ST8SIA2: variants seen among roughly 807,000 people sequenced by gnomAD.
ST8SIA2 encodes the protein alpha-2,8-sialyltransferase 8B.
Under a neutral mutation model 37.6 loss-of-function variants are expected in ST8SIA2, and 22 were observed. The ratio of observed to expected loss-of-function variants is 0.58; its 90% confidence interval spans 0.42 to 0.83. The LOEUF (loss-of-function observed/expected upper bound fraction) is 0.83. Ranked by LOEUF, ST8SIA2 falls within the 40% of genes least tolerant of loss-of-function variation. The pLI, the probability that ST8SIA2 is intolerant of heterozygous loss-of-function variation, is 0.00. For synonymous variants in ST8SIA2, 205 were observed against 201.2 expected (o/e 1.02, Z -0.16); for missense variants, 382 against 484.7 (o/e 0.79, Z 1.99).
chr15:92,400,337 T>C (rs964173927), intron 1 of ST8SIA2, among the ~76,000 whole-genome samples: 1 of 152,240 alleles, frequency 6.6e-6, no homozygotes, highest in Non-Finnish European at 1.5e-5. Flanking sequence ...GTATATGGTT[T>C]AGTAAATGAA....
intron 4 of ST8SIA2, among the ~76,000 whole-genome samples, chr15:92,438,944 T>A (rs1164004047): frequency 2.0e-5 from 3 of 152,124 alleles, no homozygotes; most frequent in African/African-American, 7.2e-5. Flanking sequence ...CAGCCTAAAG[T>A]TTGGTTGGAA....
At chr15:92,442,009 G>A in intron 4 of ST8SIA2, among the ~76,000 whole-genome samples, 1 of 152,178 alleles carries the variant, frequency 6.6e-6, no homozygotes, top group Non-Finnish European at 1.5e-5. Context: ...CCGGAGCCAA[G>A]CCCATTCAGA....
chr15:92,454,864 T>G (rs2049909043), intron 5 of ST8SIA2, among the ~76,000 whole-genome samples: 1 of 151,788 alleles, frequency 6.6e-6, no homozygotes, highest in South Asian at 2.1e-4. Flanking sequence ...GGTGAATGGC[T>G]CTAATTTAAT....
chr15:92,396,248 G>A (rs1009944798), intron 1 of ST8SIA2, among the ~76,000 whole-genome samples: 3 of 152,206 alleles, frequency 2.0e-5, no homozygotes, highest in African/African-American at 4.8e-5. Context: ...CTCCCAGGCT[G>A]ATGTAGCTGC....
intron 1 of ST8SIA2, among the ~76,000 whole-genome samples, chr15:92,414,336 T>C (rs141698868): frequency 4.5e-4 from 69 of 152,314 alleles, no homozygotes; most frequent in Non-Finnish European, 7.6e-4. Flanking sequence ...CCCAGGTACA[T>C]TGGCTGCTTG....
intron 1 of ST8SIA2, among the ~76,000 whole-genome samples, chr15:92,413,752 G>A (rs999743070): frequency 2.0e-5 from 3 of 152,212 alleles, no homozygotes; most frequent in Non-Finnish European, 2.9e-5. Flanking sequence ...CTCTGCCTTT[G>A]GATTCTTCTA....
chr15:92,447,981 A>C (rs2049854349), intron 5 of ST8SIA2, among the ~76,000 whole-genome samples: 1 of 152,210 alleles, frequency 6.6e-6, no homozygotes, highest in Admixed American at 6.5e-5. Context: ...TAAGAGGAGA[A>C]ACACTGCCCT....
At chr15:92,427,364 G>A (rs1268001212) in intron 1 of ST8SIA2, among the ~76,000 whole-genome samples, 1 of 151,226 alleles carries the variant, frequency 6.6e-6, no homozygotes, top group Non-Finnish European at 1.5e-5. Context: ...GCCAAAGCCT[G>A]AAATATAATA....
chr15:92,421,210 C>T (rs532294173), intron 1 of ST8SIA2: 5 of 152,248 alleles, frequency 3.3e-5, no homozygotes, highest in African/African-American at 9.6e-5. Context: ...GGTAATGGGC[C>T]GGCAGTGCAG....
intron 5 of ST8SIA2, among the ~76,000 whole-genome samples, chr15:92,459,756 G>A (rs1445755858): frequency 1.3e-5 from 2 of 152,064 alleles, no homozygotes; most frequent in Admixed American, 6.6e-5. Flanking sequence ...ATGCCTCCAC[G>A]CCCAACTAAT....
At chr15:92,424,616 CTTTT>C (rs1194844376) in intron 1 of ST8SIA2, among the ~76,000 whole-genome samples, 1 of 141,062 alleles carries the variant, frequency 7.1e-6, no homozygotes. Flanking sequence ...GTTTGACATT[CTTTT>C]TTTTTTTTTT....
At chr15:92,394,400 G>A (rs912314292) in intron 1 of ST8SIA2, among the ~76,000 whole-genome samples, 4 of 152,110 alleles carry the variant, frequency 2.6e-5, no homozygotes. Flanking sequence ...GAAGCCCCCA[G>A]CTGGCCCGCG....
At chr15:92,403,735 T>C (rs1403998512) in intron 1 of ST8SIA2, among the ~76,000 whole-genome samples, 2 of 152,218 alleles carry the variant, frequency 1.3e-5, no homozygotes, top group South Asian at 4.1e-4. Context: ...TAGTTTGCTA[T>C]TTTCCTACAA....
intron 1 of ST8SIA2, among the ~76,000 whole-genome samples, chr15:92,401,273 C>A (rs559131418): frequency 6.6e-6 from 1 of 152,292 alleles, no homozygotes; most frequent in East Asian, 1.9e-4. Context: ...TGTGGCCGGC[C>A]GGCTGACCGC....
chr15:92,429,756 A>G (rs1373361104), intron 1 of ST8SIA2, among the ~76,000 whole-genome samples: 2 of 152,240 alleles, frequency 1.3e-5, no homozygotes, highest in African/African-American at 4.8e-5. Context: ...ACTAATCCCC[A>G]GGGAGTTTAT....
intron 5 of ST8SIA2, among the ~76,000 whole-genome samples, chr15:92,462,073 G>A (rs188595832): frequency 6.6e-6 from 1 of 152,052 alleles, no homozygotes; most frequent in Non-Finnish European, 1.5e-5. Context: ...CGAAAGACAG[G>A]CTTATGAAAC....
chr15:92,404,058 G>T (rs2049489789), intron 1 of ST8SIA2, among the ~76,000 whole-genome samples: 1 of 152,184 alleles, frequency 6.6e-6, no homozygotes, highest in African/African-American at 2.4e-5. Context: ...TGCCAGAACT[G>T]CCCACCATAC....
intron 4 of ST8SIA2, among the ~76,000 whole-genome samples, chr15:92,443,700 A>C (rs1357996591): frequency 6.6e-6 from 1 of 152,050 alleles, no homozygotes; most frequent in Non-Finnish European, 1.5e-5. Context: ...GGACCAGATC[A>C]CTTGCCTTTC....
intron 1 of ST8SIA2, among the ~76,000 whole-genome samples, chr15:92,424,650 G>A (rs1466147173): frequency 6.9e-6 from 1 of 144,294 alleles, no homozygotes; most frequent in East Asian, 2.0e-4. Context: ...GTCTTGCTCT[G>A]TCACCCAGGC....
Sources: gnomAD v4.1 joint callset for allele counts (sites outside exome capture counted in the v4.1 genomes callset) on GRCh38, gnomAD v4.1.1 for gene constraint, MANE v1.5 for transcripts, NCBI Gene and HGNC (gene_info 2026-07-23, HGNC 2026-07-21) for gene names.